DHRS12: variants seen among roughly 807,000 people sequenced by gnomAD.
DHRS12 encodes dehydrogenase/reductase SDR family member 12.
In DHRS12, 29 loss-of-function variants were observed where a neutral mutation model predicts 32.1. That is an observed-to-expected ratio of 0.90 (90% CI 0.67 to 1.23). The LOEUF is 1.23. DHRS12 is among the 50% of genes most tolerant of loss of function. The pLI, the probability that DHRS12 is intolerant of heterozygous loss-of-function variation, is 0.00. For synonymous variants in DHRS12, 150 were observed against 135.9 expected (o/e 1.10, Z -0.72); for missense variants, 330 against 337.2 (o/e 0.98, Z 0.17).
intron 4 of DHRS12, 136 bp from the exon 5 acceptor site, chr13:51,777,257 C>A: frequency 1.2e-6 from 1 of 844,988 alleles, no homozygotes. Flanking sequence ...GGGGCAGTCC[C>A]TCCTTCCGAG....
rs766006759 is a variant in DHRS12, at chr13:51,790,103, T to C, written c.220-11A>G. 3 of 1,567,480 alleles carry C rather than the reference T, an allele frequency of 1.9e-6. No individual in the cohort carries two copies. The highest frequency in any genetic ancestry group is 1.4e-5 in the African/African-American group (1 of 71,658). ...ACCTGCATTATTGATCTAAAATTTA[T>C]AGTTCTCATTTCAAAATAAAGAAAA... On this transcript the variant is annotated splice_polypyrimidine_tract_variant and intron_variant, in intron 3 of 8. Coordinates refer to ENST00000444610, the MANE Select transcript of DHRS12 (RefSeq NM_001377533.1).
chr13:51,790,412 C>T (rs917274208), intron 3 of DHRS12, among the ~76,000 whole-genome samples: 1 of 151,884 alleles, frequency 6.6e-6, no homozygotes, highest in African/African-American at 2.4e-5. Flanking sequence ...CTAGTAGCCA[C>T]ATTAAAAAGG....
chr13:51,769,357 T>A, intron 7 of DHRS12, 64 bp from the exon 8 acceptor site: 2 of 1,250,242 alleles, frequency 1.6e-6, no homozygotes, highest in Non-Finnish European at 2.1e-6. Context: ...TTGACTTCCC[T>A]TAATTTAAAA....
chr13:51,803,226 C>A (rs1033347389), intron 1 of DHRS12, among the ~76,000 whole-genome samples: 43 of 152,136 alleles, frequency 2.8e-4, no homozygotes, highest in Admixed American at 1.2e-3. Context: ...TGATAAAGCC[C>A]CAGTGCAGGG....
intron 4 of DHRS12, chr13:51,789,480 G>T: frequency 1.1e-6 from 1 of 908,814 alleles, no homozygotes. Flanking sequence ...CTAAGAATGT[G>T]CATGTCTATC....
At chr13:51,758,409 G>A in the DHRS12 span, 2 of 696,342 alleles carry the variant, frequency 2.9e-6, no homozygotes, top group Admixed American at 2.4e-5. Flanking sequence ...TGGGTAGCCG[G>A]CCATGGTGGC....
At chr13:51,769,680 GC>G (rs1953925220) in intron 7 of DHRS12, among the ~76,000 whole-genome samples, 1 of 152,230 alleles carries the variant, frequency 6.6e-6, no homozygotes, top group South Asian at 2.1e-4. Context: ...GGGTTCAGGA[GC>G]CCTCTCAAAC....
chr13:51,767,112 A>G (rs1953774636), downstream of DHRS12: 1 of 152,276 alleles, frequency 6.6e-6, no homozygotes, highest in Admixed American at 6.5e-5. Context: ...GGAAAGCCTC[A>G]TTTAAAACTT....
In DHRS12 at chr13:51,770,544, G is replaced by A. The variant is rs370265417; in HGVS notation, c.560-1251C>T. On this transcript the variant is annotated intron_variant, in intron 7 of 8. Transcript: ENST00000444610. ...CCAAGCATGTCTCCCATTAGGCCGT[G>A]AGAAGAATCGAGAAGCCATGCTCTC... 2.0e-5 allele frequency among the ~76,000 whole-genome samples: 3 copies of A among 152,222 alleles called. No individual in the cohort carries two copies. The East Asian group carries it at 5.8e-4, about 29-fold the overall frequency.
intron 2 of DHRS12, among the ~76,000 whole-genome samples, chr13:51,796,396 C>T (rs1051456142): frequency 5.3e-5 from 8 of 152,126 alleles, no homozygotes; most frequent in Non-Finnish European, 1.2e-4. Flanking sequence ...CTTATAAACC[C>T]GAGAGAGCAG....
intron 8 of DHRS12, chr13:51,768,765 AAT>A: frequency 8.7e-7 from 1 of 1,144,974 alleles, no homozygotes; most frequent in Non-Finnish European, 1.1e-6. Flanking sequence ...TGCTTCCAAA[AAT>A]AGAGAAGCAG....
the DHRS12 span, chr13:51,755,513 A>G: frequency 3.9e-6 from 6 of 1,555,484 alleles, no homozygotes; most frequent in Admixed American, 6.7e-5. Flanking sequence ...TAGCTCAACC[A>G]TGTGATCTTA....
chr13:51,785,901 T>C lies in DHRS12; in HGVS notation c.301+4110A>G, dbSNP rs559033506. Among the ~76,000 whole-genome samples the C allele has an allele frequency of 2.0e-5, 3 of 152,344 alleles. No individual in the cohort carries two copies. The East Asian group carries it at 5.8e-4, about 29-fold the overall frequency. On this transcript the variant is annotated intron_variant, in intron 4 of 8. Coordinates refer to ENST00000444610, the MANE Select transcript of DHRS12 (RefSeq NM_001377533.1). ...TTTTAGACTACCTCTGAGCCTCAGT[T>C]TCCTCATTTGTAAAATCTGTAAAAT...
the DHRS12 span, chr13:51,755,587 G>A: frequency 9.8e-6 from 8 of 812,368 alleles, no homozygotes; most frequent in African/African-American, 5.1e-5. Context: ...GAGTCACCTC[G>A]TGATTGCACA....
intron 4 of DHRS12, among the ~76,000 whole-genome samples, chr13:51,787,683 A>G (rs887995812): frequency 1.1e-4 from 15 of 142,436 alleles, no homozygotes; most frequent in African/African-American, 3.9e-4. Context: ...ATATTATATT[A>G]AAAAGTATAA....
At chr13:51,802,831 T>C (rs1024863858) in intron 1 of DHRS12, among the ~76,000 whole-genome samples, 2 of 152,196 alleles carry the variant, frequency 1.3e-5, no homozygotes, top group African/African-American at 4.8e-5. Flanking sequence ...CACCAATCTG[T>C]GGTGGATTGG....
chr13:51,756,545 T>C, the DHRS12 span: 1 of 1,501,312 alleles, frequency 6.7e-7, no homozygotes, highest in Admixed American at 2.2e-5. Context: ...CAACCATCAC[T>C]CAGGTTGCTC....
At chr13:51,802,932 G>A (rs973125958) in intron 1 of DHRS12, among the ~76,000 whole-genome samples, 12 of 152,210 alleles carry the variant, frequency 7.9e-5, no homozygotes, top group Non-Finnish European at 1.6e-4. Context: ...CTTTCCTTGG[G>A]GCCCACCCCT....
chr13:51,769,074 C>A, intron 8 of DHRS12, 82 bp downstream of exon 8: 1 of 1,538,340 alleles, frequency 6.5e-7, no homozygotes, highest in Non-Finnish European at 8.8e-7. Flanking sequence ...CCAGGTTTCA[C>A]GGAGGGGAAG....
Sources: allele counts gnomAD v4.1 joint callset (sites outside exome capture counted in the v4.1 genomes callset), GRCh38; gene constraint gnomAD v4.1.1; transcripts MANE v1.5; gene names NCBI Gene and HGNC (gene_info 2026-07-23, HGNC 2026-07-21).